NAV2: variants seen among roughly 807,000 people sequenced by gnomAD.
The protein encoded by NAV2 is helicase, APC down-regulated 1.
A neutral mutation model predicts 223.2 loss-of-function variants in NAV2; 54 were observed. The ratio of observed to expected loss-of-function variants is 0.24; its 90% CI spans 0.19 to 0.30. NAV2 has a LOEUF of 0.30. Among genes scored for constraint, NAV2 ranks in the 10% least tolerant of loss-of-function variants. The pLI, the probability that NAV2 is intolerant of heterozygous loss-of-function variation, is 1.00. For synonymous variants in NAV2, 1,279 were observed against 1,239.3 expected, an observed-to-expected ratio of 1.03 and a Z score of -0.67; for missense variants, 2,806 against 3,147.5, an observed-to-expected ratio of 0.89 and a Z score of 2.60.
intron 1 of NAV2, among the ~76,000 whole-genome samples, chr11:19,693,262 G>T (rs541165553): frequency 1.3e-5 from 2 of 152,234 alleles, no homozygotes; most frequent in African/African-American, 4.8e-5. Flanking sequence ...GCTGTGTTTC[G>T]AGTGAGATAG....
chr11:19,860,418 A>C (rs1432561697), intron 3 of NAV2, among the ~76,000 whole-genome samples: 2 of 144,116 alleles, frequency 1.4e-5, no homozygotes, highest in African/African-American at 5.2e-5. Context: ...GGCGCTCCCC[A>C]CATCTCAGAC....
intron 31 of NAV2, 106 bp from the exon 32 acceptor site, chr11:20,100,831 G>A: frequency 2.2e-6 from 2 of 891,504 alleles, no homozygotes; most frequent in Non-Finnish European, 1.8e-6. Context: ...TGAGTGGACT[G>A]CCGAGGAGAG....
At chr11:19,575,106 T>A (rs2045536071) in intron 1 of NAV2, among the ~76,000 whole-genome samples, 1 of 152,138 alleles carries the variant, frequency 6.6e-6, no homozygotes, top group South Asian at 2.1e-4. Context: ...AGATCCGGGG[T>A]GCTGCCAGGA....
intron 1 of NAV2, among the ~76,000 whole-genome samples, chr11:19,693,133 C>T (rs879428331): frequency 5.9e-5 from 9 of 152,208 alleles, no homozygotes; most frequent in African/African-American, 9.6e-5. Flanking sequence ...GTCTCTTTCA[C>T]GTATCTACTA....
intron 1 of NAV2, among the ~76,000 whole-genome samples, chr11:19,375,443 T>A (rs1766386340): frequency 6.6e-6 from 1 of 152,220 alleles, no homozygotes; most frequent in Admixed American, 6.5e-5. Context: ...TTTGGGGTCC[T>A]ATTCTTTCCC....
At chr11:20,085,097 G>C (rs2060345561) in intron 26 of NAV2, among the ~76,000 whole-genome samples, 1 of 151,872 alleles carries the variant, frequency 6.6e-6, no homozygotes, top group Non-Finnish European at 1.5e-5. Context: ...GGGAGGCTGA[G>C]GCAGGAGGGT....
chr11:19,721,525 T>G (rs1244207413), intron 1 of NAV2, among the ~76,000 whole-genome samples: 1 of 152,194 alleles, frequency 6.6e-6, no homozygotes, highest in Admixed American at 6.5e-5. Context: ...AATCATTATT[T>G]AAGACAACAG....
rs538014127 is a variant in NAV2 at position 19,891,934 on chromosome 11, A to G, written c.771-500A>G. The stretch of plus-strand genomic sequence containing the variant: ...TCAAAAGTAAAAATACTTATCCCAG[A>G]GGGAAAAAAAAAATGAACTTTGTTT... On this transcript the variant is annotated intron_variant, in intron 5 of 37. Transcript: ENST00000349880. Among the ~76,000 whole-genome samples, 8 of 152,116 alleles carry G rather than the reference A, an allele frequency of 5.3e-5. 1 individual carries two copies. In the South Asian group the frequency reaches 1.5e-3, roughly 28 times the overall value.
intron 1 of NAV2, among the ~76,000 whole-genome samples, chr11:19,674,649 T>C (rs2135831911): frequency 6.6e-6 from 1 of 152,330 alleles, no homozygotes; most frequent in East Asian, 1.9e-4. Flanking sequence ...TGAGATCACC[T>C]AGAGAGCAGG....
chr11:19,914,381 G>A (rs943552020), intron 6 of NAV2, among the ~76,000 whole-genome samples: 2 of 152,148 alleles, frequency 1.3e-5, no homozygotes, highest in Admixed American at 1.3e-4. Flanking sequence ...CATTCTCTGT[G>A]TAATATCCCT....
chr11:19,909,400 G>A (rs749722507), intron 6 of NAV2, among the ~76,000 whole-genome samples: 1 of 152,202 alleles, frequency 6.6e-6, no homozygotes, highest in African/African-American at 2.4e-5. Context: ...CCACAGCATA[G>A]ATAGAAGGCC....
chr11:19,532,789 G>A (rs1030740823), intron 1 of NAV2, among the ~76,000 whole-genome samples: 1 of 152,170 alleles, frequency 6.6e-6, no homozygotes, highest in East Asian at 1.9e-4. Flanking sequence ...ATGACACGAG[G>A]CAACTTCAAA....
intron 11 of NAV2, among the ~76,000 whole-genome samples, chr11:20,011,814 G>A (rs895158586): frequency 1.3e-5 from 2 of 152,244 alleles, no homozygotes; most frequent in African/African-American, 4.8e-5. Flanking sequence ...ATGTGGCGGA[G>A]CCATAATTTG....
rs576554962 is a variant in NAV2, at chr11:19,990,585, G to A, written c.2768+6338G>A. ...ACGGTCTGTTCCTAATCTTCCCACC[G>A]TCATCAAGTAAAGCAAAGGTGATCT... On this transcript the variant is annotated intron_variant, in intron 11 of 37. Transcript: ENST00000349880. Among the ~76,000 whole-genome samples the A allele has an allele frequency of 9.3e-5, 14 of 150,778 alleles. No individual in the cohort carries two copies. In the South Asian group the frequency reaches 1.1e-3, roughly 11 times the overall value.
chr11:19,429,393 T>A lies in NAV2; in HGVS notation c.75+78366T>A, dbSNP rs1272110205. On this transcript the variant is annotated intron_variant, in intron 1 of 37. Transcript: ENST00000360655. ...ATTACGGGAGTGTCCATACACTTCA[T>A]AGAAGAAAAAAGACTGGCCTGGGGG... Among the ~76,000 whole-genome samples, 3 of 152,228 alleles carry A rather than the reference T, an allele frequency of 2.0e-5. No homozygotes were observed. The East Asian group carries it at 5.8e-4, about 29-fold the overall frequency.
chr11:19,353,410 C>G (rs1024333931), intron 1 of NAV2, among the ~76,000 whole-genome samples: 1 of 152,096 alleles, frequency 6.6e-6, no homozygotes, highest in Non-Finnish European at 1.5e-5. Context: ...TTTGTGGGTA[C>G]GTGCATATAC....
At chr11:20,012,322 T>C (rs2053622537) in intron 11 of NAV2, among the ~76,000 whole-genome samples, 1 of 152,226 alleles carries the variant, frequency 6.6e-6, no homozygotes, top group Non-Finnish European at 1.5e-5. Flanking sequence ...TACTCTTAAT[T>C]GTGAAAACTG....
At chr11:19,738,052 G>T (rs2052481302) in intron 1 of NAV2, among the ~76,000 whole-genome samples, 1 of 152,234 alleles carries the variant, frequency 6.6e-6, no homozygotes, top group Non-Finnish European at 1.5e-5. Flanking sequence ...GAATGAAAAG[G>T]TAAAATAAAA....
At chr11:19,387,334 A>G (rs1479323457) in intron 1 of NAV2, among the ~76,000 whole-genome samples, 3 of 152,084 alleles carry the variant, frequency 2.0e-5, no homozygotes, top group African/African-American at 7.2e-5. Flanking sequence ...AGCTCTAAAG[A>G]AAAGGAGGTA....
Sources: gnomAD v4.1 joint callset for allele counts (sites outside exome capture counted in the v4.1 genomes callset) on GRCh38, gnomAD v4.1.1 for gene constraint, MANE v1.5 for transcripts, NCBI Gene and HGNC (gene_info 2026-07-23, HGNC 2026-07-21) for gene names.